The following PLCB4 variants were observed in gnomAD, a reference collection of about 807,000 sequenced individuals.
PLCB4 encodes phospholipase C beta 4, also known as 1-phosphatidylinositol 4,5-bisphosphate phosphodiesterase beta-4.
PLCB4 carries 77 observed loss-of-function variants against 178.8 expected under a neutral mutation model. The observed-to-expected ratio is 0.43, with a 90% CI of 0.36 to 0.52. PLCB4 has a LOEUF of 0.52. Ranked by LOEUF, PLCB4 falls within the 20% of genes least tolerant of loss-of-function variation. The pLI is 0.00. For missense variants in PLCB4, 1,024 were observed against 1,453.4 expected (o/e 0.70, Z 4.80); for synonymous variants, 496 against 490.8 (o/e 1.01, Z -0.14).
chr20:9,276,218 G>A (rs1412176106), intron 3 of PLCB4, among the ~76,000 whole-genome samples: 1 of 152,110 alleles, frequency 6.6e-6, no homozygotes, highest in Non-Finnish European at 1.5e-5. Context: ...AATCCAGGCT[G>A]ATGAGAGCTC....
Position 9,472,765 on chromosome 20 carries a change from C to T in PLCB4, c.3351-25C>T, listed in dbSNP as rs1420345249. 21 of 1,477,436 alleles carry T rather than the reference C, an allele frequency of 1.4e-5. No homozygotes were observed. The East Asian group carries it at 1.6e-4, about 11-fold the overall frequency. 91.5% of individuals were successfully genotyped at this position (1,477,436 alleles called of 1,614,324 possible). A position where few individuals can be genotyped will look rare whatever the true frequency, so the allele number is the denominator to read the frequency against. On this transcript the variant is annotated intron_variant, in intron 36 of 39. Transcript: ENST00000378473. ...TAATTTCATTCAATGTCATACCAAC[C>T]GTTATTTGTGCCCATTGCTTTTAGG...
chr20:9,228,835 G>C (rs1428760623), intron 3 of PLCB4, among the ~76,000 whole-genome samples: 1 of 152,154 alleles, frequency 6.6e-6, no homozygotes, highest in South Asian at 2.1e-4. Flanking sequence ...TTCATGGGTA[G>C]AGAAGGTTGA....
intron 2 of PLCB4, among the ~76,000 whole-genome samples, chr20:9,105,512 C>T (rs2091328663): frequency 6.6e-6 from 1 of 152,062 alleles, no homozygotes; most frequent in Non-Finnish European, 1.5e-5. Context: ...CCTATTAATA[C>T]TCTCAGAATT....
At position 9,222,248 on chromosome 20, in the gene PLCB4, C is replaced by T. The variant is rs539973321; in HGVS notation, c.-16+4796C>T. Among the ~76,000 whole-genome samples the T allele has an allele frequency of 8.5e-5, 13 of 152,048 alleles. No individual in the cohort carries two copies. In the South Asian group the frequency reaches 2.7e-3, roughly 32 times the overall value. On this transcript the variant is annotated intron_variant, in intron 3 of 39. Coordinates refer to ENST00000378473, the MANE Select transcript of PLCB4 (RefSeq NM_001377142.1). ...GGGACTACAAGTATGCACTACCATA[C>T]CTGGCTAATTTGTAAAATTTTTTTT...
chr20:9,253,851 G>A (rs182481391), intron 3 of PLCB4, among the ~76,000 whole-genome samples: 35 of 152,236 alleles, frequency 2.3e-4, no homozygotes, highest in South Asian at 1.5e-3. Context: ...TTGCCAGCTG[G>A]ATCTGCTGGG....
intron 12 of PLCB4, among the ~76,000 whole-genome samples, chr20:9,376,588 G>C (rs915838269): frequency 2.0e-5 from 3 of 152,160 alleles, no homozygotes; most frequent in African/African-American, 7.2e-5. Flanking sequence ...CACGTGGTGA[G>C]ACACTACTAC....
chr20:9,421,064 T>A (rs1478456202), intron 26 of PLCB4, among the ~76,000 whole-genome samples: 1 of 152,204 alleles, frequency 6.6e-6, no homozygotes, highest in Non-Finnish European at 1.5e-5. Flanking sequence ...TCTTTGTTTT[T>A]TTTCTAGACA....
intron 1 of PLCB4, among the ~76,000 whole-genome samples, chr20:9,077,671 G>A (rs1471912137): frequency 1.3e-5 from 2 of 152,118 alleles, no homozygotes; most frequent in African/African-American, 2.4e-5. Flanking sequence ...GATCAATTTG[G>A]TGAGCTGTGA....
chr20:9,375,687 C>A (rs2148322048), intron 12 of PLCB4, among the ~76,000 whole-genome samples: 1 of 152,154 alleles, frequency 6.6e-6, no homozygotes, highest in African/African-American at 2.4e-5. Context: ...AAAAAATAAA[C>A]AAGTCCCATG....
At chr20:9,126,871 C>T (rs2092129020) in intron 2 of PLCB4, among the ~76,000 whole-genome samples, 2 of 150,646 alleles carry the variant, frequency 1.3e-5, no homozygotes, top group Admixed American at 1.3e-4. Context: ...TTTTAGCTTG[C>T]CTTATGATAG....
chr20:9,312,012 G>A (rs936239662), intron 4 of PLCB4, among the ~76,000 whole-genome samples: 2 of 151,988 alleles, frequency 1.3e-5, no homozygotes, highest in African/African-American at 2.4e-5. Flanking sequence ...CTTTCTTATT[G>A]GATGGCATAG....
intron 17 of PLCB4, among the ~76,000 whole-genome samples, chr20:9,391,662 G>A (rs187517403): frequency 4.6e-5 from 7 of 152,258 alleles, no homozygotes; most frequent in African/African-American, 1.7e-4. Context: ...TATCCTTGCA[G>A]TGCCTCCTGT....
At chr20:9,432,809 G>A (rs115185116) in intron 28 of PLCB4, among the ~76,000 whole-genome samples, 85 of 152,294 alleles carry the variant, frequency 5.6e-4, no homozygotes, top group African/African-American at 2.0e-3. Context: ...CAGGGCAGAA[G>A]GATGCTGAGT....
chr20:9,453,286 C>G (rs2042877118), intron 32 of PLCB4, 61 bp from the exon 33 acceptor site: 1 of 936,744 alleles, frequency 1.1e-6, no homozygotes, highest in African/African-American at 1.6e-5. Context: ...GTTATGCCAG[C>G]CCTATATGGT....
At chr20:9,304,589 TCTTA>T (rs1198292523) in intron 3 of PLCB4, among the ~76,000 whole-genome samples, 4 of 152,178 alleles carry the variant, frequency 2.6e-5, no homozygotes, top group South Asian at 2.1e-4. Flanking sequence ...TCTTCGAGAT[TCTTA>T]CTTGTCTTCT....
intron 9 of PLCB4, among the ~76,000 whole-genome samples, chr20:9,369,222 CT>C (rs1568667501): frequency 1.3e-5 from 2 of 152,140 alleles, no homozygotes; most frequent in African/African-American, 4.8e-5. Flanking sequence ...CAGTTTTCAT[CT>C]CGTTATGCCA....
chr20:9,183,323 C>T (rs2147100365), intron 2 of PLCB4, among the ~76,000 whole-genome samples: 1 of 152,238 alleles, frequency 6.6e-6, no homozygotes, highest in South Asian at 2.1e-4. Context: ...CTCCCTCCCT[C>T]AGTTAGTTCT....
intron 22 of PLCB4, 27 bp downstream of exon 22, chr20:9,408,085 C>A (rs1470273216): frequency 1.3e-6 from 2 of 1,578,152 alleles, no homozygotes; most frequent in South Asian, 1.2e-5. Context: ...AATGCAGTCG[C>A]CTTTTTTGCT....
At chr20:9,448,894 G>A (rs2042577682) in intron 32 of PLCB4, among the ~76,000 whole-genome samples, 3 of 152,258 alleles carry the variant, frequency 2.0e-5, no homozygotes, top group East Asian at 3.9e-4. Flanking sequence ...GTGAGTGTGA[G>A]GTTCTGCCAT....
Sources: gnomAD v4.1 joint callset for allele counts (sites outside exome capture counted in the v4.1 genomes callset) on GRCh38, gnomAD v4.1.1 for gene constraint, MANE v1.5 for transcripts, NCBI Gene and HGNC (gene_info 2026-07-23, HGNC 2026-07-21) for gene names.